The following SPTLC3 variants were observed in gnomAD, a reference collection of about 807,000 sequenced individuals.
SPTLC3 encodes serine palmitoyltransferase 3.
A neutral mutation model predicts 59.3 loss-of-function variants in SPTLC3; 36 were observed. That is an observed-to-expected ratio of 0.61 (90% CI 0.47 to 0.80). The LOEUF is 0.80. Among genes scored for constraint, SPTLC3 ranks in the 30% least tolerant of loss-of-function variants. SPTLC3 has a pLI of 0.00. For missense variants in SPTLC3, 625 were observed against 685.1 expected, an observed-to-expected ratio of 0.91 and a Z score of 0.98; for synonymous variants, 257 against 240.8, an observed-to-expected ratio of 1.07 and a Z score of -0.62.
At chr20:13,031,367 A>G (rs1485344757) in intron 1 of SPTLC3, among the ~76,000 whole-genome samples, 1 of 152,174 alleles carries the variant, frequency 6.6e-6, no homozygotes, top group East Asian at 1.9e-4. Flanking sequence ...AATTGTATTG[A>G]ACAGCATAGA....
intron 1 of SPTLC3, among the ~76,000 whole-genome samples, chr20:13,020,348 A>AC (rs1985808089): frequency 2.2e-5 from 1 of 45,908 alleles, no homozygotes; most frequent in South Asian, 9.5e-4. Context: ...CCCATTTCTT[A>AC]AAAAAAAAAA....
At chr20:13,163,583 A>G (rs2038939280) in intron 11 of SPTLC3, among the ~76,000 whole-genome samples, 1 of 152,014 alleles carries the variant, frequency 6.6e-6, no homozygotes, top group Admixed American at 6.6e-5. Flanking sequence ...CTGAGATTTG[A>G]TGTAGGAAAT....
chr20:13,076,879 C>T (rs556200328), intron 4 of SPTLC3, among the ~76,000 whole-genome samples: 1 of 152,042 alleles, frequency 6.6e-6, no homozygotes, highest in Non-Finnish European at 1.5e-5. Flanking sequence ...AGGCAGGTTC[C>T]CGGAGGAAGA....
chr20:13,116,489 C>T (rs1286245410), intron 7 of SPTLC3, among the ~76,000 whole-genome samples: 2 of 152,040 alleles, frequency 1.3e-5, no homozygotes, highest in Non-Finnish European at 2.9e-5. Flanking sequence ...CCCAGAGGTG[C>T]CATGTAAATA....
chr20:13,065,617 A>G (rs1246232850), intron 2 of SPTLC3, among the ~76,000 whole-genome samples: 5 of 152,068 alleles, frequency 3.3e-5, no homozygotes, highest in African/African-American at 7.2e-5. Flanking sequence ...TAAACGTATT[A>G]TAATACTGTA....
chr20:13,100,533 C>T (rs537965853), intron 6 of SPTLC3, among the ~76,000 whole-genome samples: 1 of 152,250 alleles, frequency 6.6e-6, no homozygotes, highest in African/African-American at 2.4e-5. Context: ...AGTTCAAGAC[C>T]AGCCTGGGCA....
intron 7 of SPTLC3, among the ~76,000 whole-genome samples, chr20:13,112,529 C>G (rs939567856): frequency 5.3e-5 from 8 of 152,206 alleles, no homozygotes; most frequent in Non-Finnish European, 1.2e-4. Flanking sequence ...GGAGGATCCA[C>G]TTGTATGTAT....
intron 4 of SPTLC3, among the ~76,000 whole-genome samples, chr20:13,085,763 T>C (rs114577660): frequency 3.1e-3 from 476 of 152,300 alleles, no homozygotes; most frequent in African/African-American, 0.01. Flanking sequence ...AGTCCATAGA[T>C]AGAATATTGG....
intron 1 of SPTLC3, among the ~76,000 whole-genome samples, chr20:13,020,250 G>A (rs1256524028): frequency 6.6e-6 from 1 of 151,966 alleles, no homozygotes; most frequent in East Asian, 1.9e-4. Context: ...GGTGGCTCAT[G>A]CCTATAGTTC....
intron 9 of SPTLC3, among the ~76,000 whole-genome samples, chr20:13,141,248 A>G (rs1055340515): frequency 1.3e-5 from 2 of 152,224 alleles, no homozygotes; most frequent in African/African-American, 4.8e-5. Flanking sequence ...GGGAGCTGCA[A>G]GCTACACTAT....
chr20:13,100,811 T>C (rs6131439), intron 6 of SPTLC3, among the ~76,000 whole-genome samples: 46,886 of 152,158 alleles, frequency 0.31, 7,954 homozygotes, highest in Middle Eastern at 0.39. Flanking sequence ...AAAGTGATTA[T>C]ATGACCTGCC....
In SPTLC3 at chr20:13,168,569, T is replaced by C. The variant is rs574911785; in HGVS notation, c.*3702T>C. ...TGATTATTTATTCCAACAACAGCTC[T>C]TCAGTAGGGTAAAAGTCTTAACAGT... On this transcript the variant is annotated 3_prime_UTR_variant, in exon 12 of 12. Coordinates refer to ENST00000399002, the MANE Select transcript of SPTLC3 (RefSeq NM_018327.4). 6.6e-6 allele frequency: 1 copy of C among 152,312 alleles called. No homozygotes were observed. The highest frequency in any genetic ancestry group is 2.4e-5 in the African/African-American group (1 of 41,556). 9.4% of individuals were successfully genotyped at this position (152,312 alleles called of 1,614,324 possible).
rs771021180 is a variant in SPTLC3, at chr20:13,117,773, G to T, written c.1152+48G>T. The T allele has an allele frequency of 4.6e-6, 7 of 1,519,526 alleles. No homozygotes were observed. In the Admixed American group the frequency reaches 5.9e-5, roughly 13 times the overall value. The allele number at this position is 1,519,526 out of a possible 1,614,324, so 94.1% of individuals were successfully genotyped here. ...CTGTTTAAAACCTGAGCGCCCTGGG[G>T]ATGCCGTGTGTAGGGCTTCTCTGAA... On this transcript the variant is annotated intron_variant, in intron 8 of 11. Transcript: ENST00000399002.
chr20:13,020,782 G>A lies in SPTLC3; in HGVS notation c.117+11398G>A, dbSNP rs544373747. Among the ~76,000 whole-genome samples the A allele has an allele frequency of 7.9e-5, 12 of 152,080 alleles. No individual in the cohort carries two copies. In the South Asian group the frequency reaches 8.3e-4, roughly 11 times the overall value. On this transcript the variant is annotated intron_variant, in intron 1 of 11. Coordinates refer to ENST00000399002, the MANE Select transcript of SPTLC3 (RefSeq NM_018327.4). Reference sequence around the variant, plus strand: ...TCAGATGTAACTGGGTTTGAATCTCGGTTCTGCCACTTACTAATTGGGCCA... The same window carrying A: ...TCAGATGTAACTGGGTTTGAATCTCAGTTCTGCCACTTACTAATTGGGCCA...
rs144921406 is a variant in SPTLC3, at chr20:13,134,091, C to T, written c.1279+7374C>T. 1.5e-3 allele frequency among the ~76,000 whole-genome samples: 226 copies of T among 152,298 alleles called. 1 individual carries two copies. The highest frequency in any genetic ancestry group is 5.2e-3 in the African/African-American group (215 of 41,570). On this transcript the variant is annotated intron_variant, in intron 9 of 11. Transcript: ENST00000399002. Reference sequence around the variant, plus strand: ...TTCTCAGGAAATGCTTAAACTGTCACGGTCAGGTGTACGTACCATGCACAG... The same window carrying T: ...TTCTCAGGAAATGCTTAAACTGTCATGGTCAGGTGTACGTACCATGCACAG...
intron 6 of SPTLC3, among the ~76,000 whole-genome samples, chr20:13,106,105 G>A (rs952664555): frequency 6.6e-6 from 1 of 152,184 alleles, no homozygotes; most frequent in African/African-American, 2.4e-5. Context: ...CTATCTGCTC[G>A]TTTTAAAACA....
chr20:13,140,790 A>AG (rs1226338459), intron 9 of SPTLC3, among the ~76,000 whole-genome samples: 3 of 152,240 alleles, frequency 2.0e-5, no homozygotes, highest in Non-Finnish European at 2.9e-5. Flanking sequence ...GAAAAGATAA[A>AG]GGAAAAAAGA....
chr20:13,147,819 G>C (rs566007393), intron 9 of SPTLC3, among the ~76,000 whole-genome samples: 1 of 152,196 alleles, frequency 6.6e-6, no homozygotes, highest in Non-Finnish European at 1.5e-5. Flanking sequence ...TTGAAGGAGG[G>C]AATGAGCTGG....
At chr20:13,108,111 C>T (rs1990007426) in intron 6 of SPTLC3, among the ~76,000 whole-genome samples, 1 of 152,104 alleles carries the variant, frequency 6.6e-6, no homozygotes, top group South Asian at 2.1e-4. Flanking sequence ...CTGAGGACAG[C>T]TTGGAAGGTG....
Sources: gnomAD v4.1 joint callset for allele counts (sites outside exome capture counted in the v4.1 genomes callset) on GRCh38, gnomAD v4.1.1 for gene constraint, MANE v1.5 for transcripts, NCBI Gene and HGNC (gene_info 2026-07-23, HGNC 2026-07-21) for gene names.